The following TSGA10 variants were observed in gnomAD, a reference collection of about 807,000 sequenced individuals.
The protein encoded by TSGA10 is testis specific 10, also known as testis-specific gene 10 protein.
In TSGA10, 43 loss-of-function variants were observed where a neutral mutation model predicts 96.6. The observed-to-expected ratio is 0.44, with a 90% confidence interval of 0.35 to 0.57. The LOEUF is 0.57. Ranked by LOEUF, TSGA10 falls within the 20% of genes least tolerant of loss-of-function variation. The pLI is 0.01. For missense variants in TSGA10, 703 were observed against 834.4 expected (o/e 0.84, Z 1.94); for synonymous variants, 229 against 269.9 (o/e 0.85, Z 1.48).
At chr2:99,101,762 T>C (rs2090768796) in intron 10 of TSGA10, among the ~76,000 whole-genome samples, 1 of 152,090 alleles carries the variant, frequency 6.6e-6, no homozygotes, top group Non-Finnish European at 1.5e-5. Context: ...GGACAAACAC[T>C]GAAATTATGC....
rs977390258 is a variant in TSGA10, at chr2:99,142,409, C to T, written c.-621+12284G>A. On this transcript the variant is annotated intron_variant, in intron 1 of 20. Coordinates refer to ENST00000393483, the MANE Select transcript of TSGA10 (RefSeq NM_025244.4). ...AATTCCTGTTTTCGCCAGGTGAGTA[C>T]TCATTTTTCCCCCCACAAGATATCA... 5 of 152,292 alleles carry T rather than the reference C, an allele frequency of 3.3e-5. No individual in the cohort carries two copies. In the East Asian group the frequency reaches 5.8e-4, roughly 18 times the overall value. The allele number at this position is 152,292 out of a possible 1,614,324, so 9.4% of individuals were successfully genotyped here.
At chr2:99,046,538 C>A (rs554631375) in intron 16 of TSGA10, among the ~76,000 whole-genome samples, 1 of 152,110 alleles carries the variant, frequency 6.6e-6, no homozygotes, top group Non-Finnish European at 1.5e-5. Flanking sequence ...AACAAAGACA[C>A]AACATACTAG....
chr2:99,020,231 C>T, intron 18 of TSGA10, 49 bp downstream of exon 18: 3 of 1,514,478 alleles, frequency 2.0e-6, no homozygotes, highest in Non-Finnish European at 2.7e-6. Context: ...TACTAAAGTA[C>T]CAAAAAATTA....
chr2:99,012,520 G>A (rs1280322645), intron 20 of TSGA10, among the ~76,000 whole-genome samples: 1 of 152,114 alleles, frequency 6.6e-6, no homozygotes, highest in African/African-American at 2.4e-5. Context: ...AAGTGAGCAA[G>A]AGTAGCTATT....
chr2:99,074,994 T>A (rs976833989), intron 12 of TSGA10, among the ~76,000 whole-genome samples: 1 of 151,940 alleles, frequency 6.6e-6, no homozygotes. Flanking sequence ...CCTTAAAATA[T>A]GTTTGATAAG....
intron 20 of TSGA10, among the ~76,000 whole-genome samples, chr2:99,010,979 C>G (rs568665164): frequency 5.9e-5 from 9 of 152,286 alleles, no homozygotes; most frequent in African/African-American, 2.2e-4. Flanking sequence ...TATGATACAG[C>G]AGAGGTGGCC....
intron 16 of TSGA10, among the ~76,000 whole-genome samples, chr2:99,037,293 A>G (rs187101167): frequency 2.0e-5 from 3 of 152,370 alleles, no homozygotes; most frequent in African/African-American, 7.2e-5. Flanking sequence ...CATACAAAGT[A>G]TACTCTCAGA....
intron 14 of TSGA10, among the ~76,000 whole-genome samples, chr2:99,071,196 T>A (rs2085918045): frequency 6.6e-6 from 1 of 152,116 alleles, no homozygotes; most frequent in Admixed American, 6.6e-5. Context: ...TTTTTAAATG[T>A]TCACGTTAAA....
intron 1 of TSGA10, among the ~76,000 whole-genome samples, chr2:99,136,371 C>T (rs993220265): frequency 2.0e-5 from 3 of 152,102 alleles, no homozygotes; most frequent in African/African-American, 4.8e-5. Context: ...CAAATAGAAT[C>T]TTACAATTTC....
intron 16 of TSGA10, among the ~76,000 whole-genome samples, chr2:99,045,291 C>A (rs2082645631): frequency 6.6e-6 from 1 of 151,944 alleles, no homozygotes; most frequent in Non-Finnish European, 1.5e-5. Context: ...GTCAGATTCA[C>A]CAAAATTGAA....
intron 16 of TSGA10, among the ~76,000 whole-genome samples, chr2:99,062,851 G>A (rs1046092263): frequency 1.3e-5 from 2 of 152,162 alleles, no homozygotes; most frequent in African/African-American, 4.8e-5. Flanking sequence ...GCAGGTGGCT[G>A]CACCCAAAAA....
chr2:99,152,067 A>G, intron 1 of TSGA10, among the ~76,000 whole-genome samples: 1 of 151,850 alleles, frequency 6.6e-6, no homozygotes, highest in East Asian at 1.9e-4. Context: ...TTTAGAAGAG[A>G]AAAAAAATAC....
chr2:99,020,327 A>G lies in TSGA10; in HGVS notation c.1770T>C (p.Ser590=). The G allele has an allele frequency of 1.2e-6, 2 of 1,613,928 alleles. No individual in the cohort carries two copies. Among genetic ancestry groups the G allele is most frequent in the Non-Finnish European group, 1.7e-6 (2 of 1,179,890 alleles). ...GGTGTTCTTTAAGAAGCTGAATTTCAGATTCTTTTTCTTGAAGTGCTATCT... is the reference window on the plus strand; with the variant it reads ...GGTGTTCTTTAAGAAGCTGAATTTCGGATTCTTTTTCTTGAAGTGCTATCT... ...QSQIALQEKE[S]EIQLLKEHLC... Residue 590 remains serine (S), a synonymous_variant, in exon 18 of 21, where the codon TCT becomes TCC. Coordinates refer to ENST00000393483, the MANE Select transcript of TSGA10 (RefSeq NM_025244.4).
intron 10 of TSGA10, among the ~76,000 whole-genome samples, chr2:99,087,221 T>C (rs2088621078): frequency 6.6e-6 from 1 of 151,378 alleles, no homozygotes; most frequent in South Asian, 2.1e-4. Flanking sequence ...AAAAATTTTT[T>C]TTAGGCCAGG....
At position 98,997,504 on chromosome 2, in the gene TSGA10, GA is replaced by G. The variant is rs1310967024; in HGVS notation, c.*692del. On this transcript the variant is annotated 3_prime_UTR_variant, in exon 21 of 21. Transcript: ENST00000393483. ...ATTAAGTTGATTGCAGTACTTGAAA[GA>G]AAACTTATTAAAAATAAAGATTTTT... 1.3e-5 allele frequency: 2 copies of G among 151,962 alleles called. No homozygotes were observed. The highest frequency in any genetic ancestry group is 4.8e-5 in the African/African-American group (2 of 41,402). The allele number at this position is 151,962 out of a possible 1,614,324, so 9.4% of individuals were successfully genotyped here.
chr2:99,152,066 G>A (rs2093699632), intron 1 of TSGA10, among the ~76,000 whole-genome samples: 1 of 151,886 alleles, frequency 6.6e-6, no homozygotes, highest in South Asian at 2.1e-4. Context: ...CTTTAGAAGA[G>A]AAAAAAAATA....
intron 16 of TSGA10, among the ~76,000 whole-genome samples, chr2:99,042,039 C>CCTTT (rs1558816084): frequency 3.6e-5 from 5 of 140,110 alleles, no homozygotes; most frequent in Admixed American, 7.1e-5. Flanking sequence ...TGCCCCCCCA[C>CCTTT]ATTTTTTTTT....
intron 17 of TSGA10, among the ~76,000 whole-genome samples, chr2:99,028,287 C>T (rs1444522963): frequency 6.6e-6 from 1 of 152,124 alleles, no homozygotes; most frequent in Non-Finnish European, 1.5e-5. Flanking sequence ...ACATTTGATC[C>T]CTTTGCAGGG....
At chr2:99,103,282 A>C (rs933667777) in intron 10 of TSGA10, among the ~76,000 whole-genome samples, 3 of 152,138 alleles carry the variant, frequency 2.0e-5, no homozygotes, top group African/African-American at 7.2e-5. Context: ...CTAGATATTA[A>C]GCTATTACTA....
Sources: allele counts gnomAD v4.1 joint callset (sites outside exome capture counted in the v4.1 genomes callset), GRCh38; gene constraint gnomAD v4.1.1; transcripts MANE v1.5; gene names NCBI Gene and HGNC (gene_info 2026-07-23, HGNC 2026-07-21).